The following CLU variants were observed in gnomAD, a reference collection of about 807,000 sequenced individuals.
CLU encodes the protein clusterin.
Under a neutral mutation model 46.4 loss-of-function variants are expected in CLU, and 25 were observed. The observed-to-expected ratio is 0.54, with a 90% confidence interval of 0.39 to 0.75. The LOEUF (loss-of-function observed/expected upper bound fraction) is 0.75. CLU is among the 30% of genes least tolerant of loss of function. CLU has a pLI of 0.00. For synonymous variants in CLU, 235 were observed against 235.1 expected (o/e 1.00, Z 0.00); for missense variants, 504 against 592.1 (o/e 0.85, Z 1.54).
intron 2 of CLU, among the ~76,000 whole-genome samples, chr8:27,610,011 A>C (rs79022941): frequency 0.016 from 2,455 of 152,228 alleles, 77 homozygotes; most frequent in African/African-American, 0.056. Context: ...TAGTGGCCCA[A>C]AGTCACCCAG....
At chr8:27,610,866 G>A (rs1800914471) in intron 1 of CLU, 3 of 445,106 alleles carry the variant, frequency 6.7e-6, no homozygotes, top group African/African-American at 6.0e-5. Context: ...CCTGGCATCG[G>A]AGGAACCAGG....
chr8:27,600,350 T>C lies in CLU; in HGVS notation c.935-341A>G, dbSNP rs548402682. Among the ~76,000 whole-genome samples the C allele has an allele frequency of 7.2e-5, 11 of 152,014 alleles. No homozygotes were observed. In the East Asian group the frequency reaches 2.1e-3, roughly 29 times the overall value. ...CCCAGGCTCAGGCTGTCCTCCAACC[T>C]CAGCCTCCTGAGTAGCTGGGACTAT... On this transcript the variant is annotated intron_variant, in intron 6 of 8. Coordinates refer to ENST00000316403, the MANE Select transcript of CLU (RefSeq NM_001831.4).
chr8:27,605,904 G>A (rs1175809406), intron 4 of CLU, among the ~76,000 whole-genome samples: 1 of 152,102 alleles, frequency 6.6e-6, no homozygotes, highest in Non-Finnish European at 1.5e-5. Flanking sequence ...GCTGGGTGTG[G>A]TGGTACGTGC....
intron 7 of CLU, 133 bp from the exon 8 acceptor site, chr8:27,598,768 C>A: frequency 1.2e-6 from 1 of 813,802 alleles, no homozygotes. Context: ...TGACCCCATG[C>A]TTCTTATACA....
At chr8:27,606,653 T>A in intron 3 of CLU, 129 bp from the exon 4 acceptor site, 1 of 1,000,428 alleles carries the variant, frequency 1.0e-6, no homozygotes, top group Non-Finnish European at 1.6e-6. Context: ...AGCATGCAAG[T>A]GCCTACCCTT....
rs905005233 is a variant in CLU, at chr8:27,608,743, C to G, written c.246+195G>C. 13 of 651,076 alleles carry G rather than the reference C, an allele frequency of 2.0e-5. No homozygotes were observed. The African/African-American group carries it at 2.3e-4, about 12-fold the overall frequency. The allele number at this position is 651,076 out of a possible 1,614,324, so 40.3% of individuals were successfully genotyped here. A position where few individuals can be genotyped will look rare whatever the true frequency, so the allele number is the denominator to read the frequency against. The stretch of plus-strand genomic sequence containing the variant: ...GCCAGGCTCATAACAAAACCAGATC[C>G]AAGATCTCACTCCCTGATGCTTTCA... On this transcript the variant is annotated intron_variant, in intron 3 of 8. Coordinates refer to ENST00000316403, the MANE Select transcript of CLU (RefSeq NM_001831.4).
Position 27,604,399 on chromosome 8 carries a change from G to A in CLU, c.830-4C>T, listed in dbSNP as rs1800777966. On this transcript the variant is annotated splice_region_variant and splice_polypyrimidine_tract_variant and intron_variant, in intron 5 of 8. Transcript: ENST00000316403. ...ACAGTCCGGTCATCGTCGCCTTCTG[G>A]GGACACACGAGGGAAGAAGAGTCAG... 1.2e-6 allele frequency: 2 copies of A among 1,613,214 alleles called. No individual in the cohort carries two copies. Among genetic ancestry groups the A allele is most frequent in the African/African-American group, 1.3e-5 (1 of 74,922 alleles).
chr8:27,610,063 G>T (rs9331897), intron 2 of CLU, among the ~76,000 whole-genome samples: 3,887 of 152,204 alleles, frequency 0.026, 172 homozygotes, highest in African/African-American at 0.087. Context: ...GTCTGATCTG[G>T]GTTTTTAACA....
chr8:27,605,008 C>T lies in CLU; in HGVS notation c.745G>A (p.Glu249Lys). The T allele has an allele frequency of 6.2e-7, 1 of 1,614,042 alleles. No individual in the cohort carries two copies. Among genetic ancestry groups the T allele is most frequent in the Non-Finnish European group, 8.5e-7 (1 of 1,180,010 alleles). The stretch of plus-strand genomic sequence containing the variant: ...GCCTGCTGAGCCTCGTGTATCATCT[C>T]AAGGAAGGGCTGGAACATGGCGTGG... ...NFHAMFQPFL[E>K]MIHEAQQAMD... Residue 249 changes from glutamate (E) to lysine (K), a missense_variant, in exon 5 of 9, where the codon GAG becomes AAG. By Grantham distance (56) the Glu-to-Lys change is moderately conservative (BLOSUM62 1). Around this residue, in one of 3 missense-constraint regions of CLU, gnomAD observed 428 missense variants for 484.0 expected, o/e 0.88. Transcript: ENST00000316403.
chr8:27,607,066 G>A (rs977954044), intron 3 of CLU, among the ~76,000 whole-genome samples: 7 of 152,168 alleles, frequency 4.6e-5, no homozygotes, highest in African/African-American at 1.7e-4. Flanking sequence ...GGCCAGGTGC[G>A]GCAGCTGACA....
rs751418298 is a variant in CLU, at chr8:27,598,614, AGTCAGAAGT to A, written c.1177_1185del (p.Thr393_Asp395del). The A allele has an allele frequency of 1.1e-4, 173 of 1,614,050 alleles. No homozygotes were observed. The highest frequency in any genetic ancestry group is 1.4e-4 in the Non-Finnish European group (164 of 1,180,044). ...TCAGTGACACCGGAAGGAACGTCCG[AGTCAGAAGT>A]GTGGGAAGCCACCTAAATGGAACAA... On this transcript the variant is annotated inframe_deletion, in exon 8 of 9. Coordinates refer to ENST00000316403, the MANE Select transcript of CLU (RefSeq NM_001831.4).
chr8:27,612,954 G>T (rs1055034356), intron 1 of CLU, among the ~76,000 whole-genome samples: 1 of 149,454 alleles, frequency 6.7e-6, no homozygotes, highest in African/African-American at 2.5e-5. Flanking sequence ...AGAAGATGGC[G>T]GGGGGTGGGG....
intron 1 of CLU, chr8:27,610,893 A>G: frequency 2.4e-6 from 1 of 408,664 alleles, no homozygotes; most frequent in South Asian, 2.1e-5. Flanking sequence ...TCCAAGCCAC[A>G]TCCTCCCCGA....
rs1422860377 is a variant in CLU at position 27,600,029 on chromosome 8, A to G, written c.935-20T>C. Reference sequence around the variant, plus strand: ...AACAGTCTGCCCAGAGATGGAAGAAACGCAAGTGAGAAGTGTGAAGGGAAG... The same window carrying G: ...AACAGTCTGCCCAGAGATGGAAGAAGCGCAAGTGAGAAGTGTGAAGGGAAG... On this transcript the variant is annotated intron_variant, in intron 6 of 8. Coordinates refer to ENST00000316403, the MANE Select transcript of CLU (RefSeq NM_001831.4). 1 of 1,588,790 alleles carries G rather than the reference A, an allele frequency of 6.3e-7. No homozygotes were observed. The highest frequency in any genetic ancestry group is 8.6e-7 in the Non-Finnish European group (1 of 1,157,320).
At position 27,605,242 on chromosome 8, in the gene CLU, G is replaced by T. The variant is rs2128909085; in HGVS notation, c.511C>A (p.His171Asn). ...TGGTCCTGCATGACATCCAGCATGT[G>T]CGTCTGCTGCCGGTCGTTCTCCAGC... Reference protein sequence around the residue: ...SLLENDRQQTHMLDVMQDHFS... With the variant: ...SLLENDRQQTNMLDVMQDHFS... The change falls in exon 5 of 9, where the codon CAC (histidine) becomes AAC (asparagine). Residue 171 changes from histidine (H) to asparagine (N), a missense_variant. Physicochemically the swap from His to Asn is moderately conservative, Grantham distance 68. Coordinates refer to ENST00000316403, the MANE Select transcript of CLU (RefSeq NM_001831.4). 2 of 1,614,208 alleles carry T rather than the reference G, an allele frequency of 1.2e-6. No homozygotes were observed. The highest frequency in any genetic ancestry group is 1.7e-6 in the Non-Finnish European group (2 of 1,180,030).
At chr8:27,602,851 G>A (rs9331928) in intron 6 of CLU, among the ~76,000 whole-genome samples, 15 of 152,030 alleles carry the variant, frequency 9.9e-5, no homozygotes, top group South Asian at 4.2e-4. Flanking sequence ...GATTACTTGA[G>A]GTCAGGAGTT....
chr8:27,607,756 A>AC (rs1242019536), intron 3 of CLU, among the ~76,000 whole-genome samples: 1 of 151,388 alleles, frequency 6.6e-6, no homozygotes, highest in African/African-American at 2.4e-5. Context: ...TCAAAAAAAA[A>AC]AAAATAGCCT....
chr8:27,609,860 G>A (rs1038993322), intron 2 of CLU, among the ~76,000 whole-genome samples: 10 of 152,050 alleles, frequency 6.6e-5, no homozygotes, highest in Admixed American at 2.0e-4. Context: ...TCTTCCCACC[G>A]TCCCACCATA....
Position 27,598,402 on chromosome 8 carries a change from G to A in CLU, c.1340+58C>T, listed in dbSNP as rs1800651241. On this transcript the variant is annotated intron_variant, in intron 8 of 8. Transcript: ENST00000316403. ...GAGTCTGCACTTTGTTTGTTTTTTT[G>A]TGGCTCCCAGAGACTCACTGGGCCC... 48 of 1,607,412 alleles carry A rather than the reference G, an allele frequency of 3.0e-5. 1 individual carries two copies. The highest frequency in any genetic ancestry group is 2.0e-5 in the Non-Finnish European group (24 of 1,174,708).
Sources: allele counts gnomAD v4.1 joint callset (sites outside exome capture counted in the v4.1 genomes callset), GRCh38; gene constraint gnomAD v4.1.1; regional missense constraint gnomAD v4.1.1; transcripts MANE v1.5; gene names NCBI Gene and HGNC (gene_info 2026-07-23, HGNC 2026-07-21).